The following HNRNPUL1 variants were observed in gnomAD, a reference collection of about 807,000 sequenced individuals.
HNRNPUL1 encodes heterogeneous nuclear ribonucleoprotein U like 1.
HNRNPUL1 carries 14 observed loss-of-function variants against 108.5 expected under a neutral mutation model. That is an observed-to-expected ratio of 0.13 (90% CI 0.09 to 0.20). The LOEUF is 0.20. HNRNPUL1 is among the 10% of genes least tolerant of loss of function. HNRNPUL1 has a pLI of 1.00. For synonymous variants in HNRNPUL1, 422 were observed against 445.2 expected (o/e 0.95, Z 0.66); for missense variants, 804 against 1,168.3 (o/e 0.69, Z 4.55).
rs1050348397 is a variant in HNRNPUL1, at chr19:41,301,429, G to C, written c.1519-107G>C. The C allele has an allele frequency of 7.0e-6, 6 of 851,078 alleles. No homozygotes were observed. The Admixed American group carries it at 1.3e-4, about 19-fold the overall frequency. 52.7% of individuals were successfully genotyped at this position (851,078 alleles called of 1,614,324 possible). A position where few individuals can be genotyped will look rare whatever the true frequency, so the allele number is the denominator to read the frequency against. On this transcript the variant is annotated intron_variant, in intron 10 of 14. Coordinates refer to ENST00000392006, the MANE Select transcript of HNRNPUL1 (RefSeq NM_007040.6). ...TTTCCTGAGTTTCTCTGCTTACAAGGAGCACTGATATCCTTTTCTCAGTCC... is the reference window on the plus strand; with the variant it reads ...TTTCCTGAGTTTCTCTGCTTACAAGCAGCACTGATATCCTTTTCTCAGTCC...
chr19:41,298,689 A>G (rs919604615), intron 10 of HNRNPUL1: 6 of 152,232 alleles, frequency 3.9e-5, no homozygotes, highest in African/African-American at 1.4e-4. Context: ...CTGAGAAGCC[A>G]TCTCTGAGTC....
At position 41,294,243 on chromosome 19, in the gene HNRNPUL1, C is replaced by T; in HGVS notation, c.1267-95C>T. 2.1e-6 allele frequency: 3 copies of T among 1,424,736 alleles called. No individual in the cohort carries two copies. Among genetic ancestry groups the T allele is most frequent in the Non-Finnish European group, 2.9e-6 (3 of 1,027,794 alleles). 88.3% of individuals were successfully genotyped at this position (1,424,736 alleles called of 1,614,324 possible). On this transcript the variant is annotated intron_variant, in intron 8 of 14. Coordinates refer to ENST00000392006, the MANE Select transcript of HNRNPUL1 (RefSeq NM_007040.6). The surrounding 1 kb of genome is among the most constrained non-coding windows in gnomAD (Gnocchi z 4.3). ...TGCTTCCGCTTTGTAGAGGCAGCCA[C>T]AGCTCAGAGGTCCAGAGTCACACTC... is the stretch of plus-strand genomic sequence containing the variant.
chr19:41,265,343 G>C, intron 1 of HNRNPUL1: 1 of 1,507,942 alleles, frequency 6.6e-7, no homozygotes, highest in Non-Finnish European at 8.9e-7. Context: ...CTCCTATTTG[G>C]GTACGGGGGT....
At chr19:41,264,860 G>A (rs2034713512) in intron 1 of HNRNPUL1, 62 bp downstream of exon 1, 1 of 1,349,286 alleles carries the variant, frequency 7.4e-7, no homozygotes, top group Non-Finnish European at 9.5e-7. Flanking sequence ...AGGGCTGTGG[G>A]ACGCGGGAGT....
rs553558788 is a variant in HNRNPUL1 at position 41,268,493 on chromosome 19, T to C, written c.418+148T>C. On this transcript the variant is annotated intron_variant, in intron 2 of 14. Coordinates refer to ENST00000392006, the MANE Select transcript of HNRNPUL1 (RefSeq NM_007040.6). Reference sequence around the variant, plus strand: ...AACATTGTCACTCTGGCAAGAATTGTTTAAAGGAAAGATCTCAGTCCTATT... The same window carrying C: ...AACATTGTCACTCTGGCAAGAATTGCTTAAAGGAAAGATCTCAGTCCTATT... The C allele has an allele frequency of 7.0e-6, 6 of 856,072 alleles. No individual in the cohort carries two copies. In the Admixed American group the frequency reaches 1.9e-4, roughly 28 times the overall value. 53.0% of individuals were successfully genotyped at this position (856,072 alleles called of 1,614,324 possible). A position where few individuals can be genotyped will look rare whatever the true frequency, so the allele number is the denominator to read the frequency against.
chr19:41,295,250 A>G (rs1194363409), intron 10 of HNRNPUL1, among the ~76,000 whole-genome samples: 3 of 152,206 alleles, frequency 2.0e-5, no homozygotes, highest in Admixed American at 1.3e-4. Context: ...TGGCAGGTAC[A>G]TACCTAAGTC....
chr19:41,281,353 A>G, intron 7 of HNRNPUL1, 78 bp downstream of exon 7: 2 of 888,916 alleles, frequency 2.2e-6, no homozygotes, highest in East Asian at 5.1e-5. Flanking sequence ...ACCTCTATCC[A>G]TTGTCTGCCC....
chr19:41,294,236 G>T lies in HNRNPUL1; in HGVS notation c.1267-102G>T. 7.4e-7 allele frequency: 1 copy of T among 1,342,506 alleles called. No individual in the cohort carries two copies. Among genetic ancestry groups the T allele is most frequent in the Admixed American group, 1.9e-5 (1 of 53,562 alleles). The allele number at this position is 1,342,506 out of a possible 1,614,324, so 83.2% of individuals were successfully genotyped here. A position where few individuals can be genotyped will look rare whatever the true frequency, so the allele number is the denominator to read the frequency against. Reference sequence around the variant, plus strand: ...GTATTACTGCTTCCGCTTTGTAGAGGCAGCCACAGCTCAGAGGTCCAGAGT... The same window carrying T: ...GTATTACTGCTTCCGCTTTGTAGAGTCAGCCACAGCTCAGAGGTCCAGAGT... On this transcript the variant is annotated intron_variant, in intron 8 of 14. Transcript: ENST00000392006. This position sits in a 1 kb window ranked among gnomAD's most constrained non-coding sequence, Gnocchi z 4.3.
intron 6 of HNRNPUL1, among the ~76,000 whole-genome samples, chr19:41,279,783 A>C (rs1377103253): frequency 6.6e-6 from 1 of 152,248 alleles, no homozygotes; most frequent in African/African-American, 2.4e-5. Context: ...TTCAGGCCAT[A>C]CAGAAAGGGA....
At chr19:41,283,829 G>C (rs755235195) in intron 7 of HNRNPUL1, among the ~76,000 whole-genome samples, 16 of 152,164 alleles carry the variant, frequency 1.1e-4, no homozygotes, top group Non-Finnish European at 4.4e-5. Flanking sequence ...CTAACTTCAA[G>C]TGATCTGCCC....
intron 2 of HNRNPUL1, among the ~76,000 whole-genome samples, chr19:41,270,834 A>G (rs2035188811): frequency 6.6e-6 from 1 of 152,020 alleles, no homozygotes; most frequent in Non-Finnish European, 1.5e-5. Context: ...TGACCTCATG[A>G]TCTGCCTGCC....
In HNRNPUL1 at chr19:41,292,256, T is replaced by C; in HGVS notation, c.1011T>C (p.Cys337=). The change falls in exon 8 of 15, where the codon TGT becomes TGC. Residue 337 remains cysteine (C), a synonymous_variant. Transcript: ENST00000392006. The surrounding 1 kb of genome is among the most constrained non-coding windows in gnomAD (Gnocchi z 4.1). The stretch of plus-strand genomic sequence containing the variant: ...GCTTTTTCTCCTAGGATTTTGAATG[T>C]GGAAATGACGTGGAACTGTCTTTTA... ...DVIGCFADFE[C]GNDVELSFTK... 1 of 1,613,896 alleles carries C rather than the reference T, an allele frequency of 6.2e-7. No individual in the cohort carries two copies. Among genetic ancestry groups the C allele is most frequent in the Non-Finnish European group, 8.5e-7 (1 of 1,179,782 alleles).
chr19:41,298,750 A>G (rs12980480), intron 10 of HNRNPUL1: 31,023 of 151,844 alleles, frequency 0.2, 3,527 homozygotes, highest in East Asian at 0.35. Context: ...AATCTGCTCC[A>G]CCTCCATTCC....
At position 41,304,153 on chromosome 19, in the gene HNRNPUL1, C is replaced by T; in HGVS notation, c.2154C>T (p.Ser718=). Residue 718 remains serine, a synonymous_variant, in exon 13 of 15, where the codon AGC becomes AGT. Coordinates refer to ENST00000392006, the MANE Select transcript of HNRNPUL1 (RefSeq NM_007040.6). ...AGCCACCGCCACCACCCAGCTACAG[C>T]CCTGCTCGGAACCCCCCAGGGGCCA... ...PQQPPPPPSY[S]PARNPPGAST... is the part of the protein sequence containing the mutation. 6.2e-7 allele frequency: 1 copy of T among 1,614,198 alleles called. No homozygotes were observed. The highest frequency in any genetic ancestry group is 2.2e-5 in the East Asian group (1 of 44,878).
chr19:41,266,823 GT>G (rs1372899437), intron 1 of HNRNPUL1, among the ~76,000 whole-genome samples: 1 of 152,140 alleles, frequency 6.6e-6, no homozygotes, highest in East Asian at 1.9e-4. Flanking sequence ...TGGATTTGGG[GT>G]AGGCAGTGGC....
chr19:41,291,316 G>A (rs889303392), intron 7 of HNRNPUL1, among the ~76,000 whole-genome samples: 3 of 152,178 alleles, frequency 2.0e-5, no homozygotes, highest in Non-Finnish European at 4.4e-5. Flanking sequence ...TGGTCGCTAA[G>A]CTCTGTCGGT....
At chr19:41,277,704 T>TC (rs1410231108) in intron 5 of HNRNPUL1, among the ~76,000 whole-genome samples, 1 of 152,064 alleles carries the variant, frequency 6.6e-6, no homozygotes, top group East Asian at 1.9e-4. Context: ...ATGGGGTTTC[T>TC]CCATGTTGAT....
chr19:41,272,806 C>G (rs2035322686), intron 3 of HNRNPUL1, among the ~76,000 whole-genome samples: 1 of 152,168 alleles, frequency 6.6e-6, no homozygotes, highest in African/African-American at 2.4e-5. Context: ...AGGGAGCAGC[C>G]TCTGCTTTGG....
chr19:41,270,170 A>T (rs972947609), intron 2 of HNRNPUL1, among the ~76,000 whole-genome samples: 1 of 151,990 alleles, frequency 6.6e-6, no homozygotes, highest in Non-Finnish European at 1.5e-5. Flanking sequence ...TTCAGTAGTG[A>T]CGGGGTTTTA....
Sources: gnomAD v4.1 joint callset for allele counts (sites outside exome capture counted in the v4.1 genomes callset) on GRCh38, gnomAD v4.1.1 for gene constraint, Gnocchi (gnomAD v3.1) non-coding constraint, MANE v1.5 for transcripts, NCBI Gene and HGNC (gene_info 2026-07-23, HGNC 2026-07-21) for gene names.